The following WWOX variants were observed in gnomAD, a reference collection of about 807,000 sequenced individuals.
WWOX encodes the protein WW domain-containing oxidoreductase.
A neutral mutation model predicts 46.2 loss-of-function variants in WWOX; 69 were observed. The ratio of observed to expected loss-of-function variants is 1.49; its 90% CI spans 1.23 to 1.82. The LOEUF (loss-of-function observed/expected upper bound fraction) is 1.82, where lower values mean the gene tolerates loss of function less well. WWOX is among the 40% of genes most tolerant of loss of function. WWOX has a pLI of 0.00. For synonymous variants in WWOX, 359 were observed against 202.6 expected, an observed-to-expected ratio of 1.77 and a Z score of -6.56; for missense variants, 919 against 542.6, an observed-to-expected ratio of 1.69 and a Z score of -6.89.
At chr16:78,522,455 C>A (rs888643622) in intron 8 of WWOX, among the ~76,000 whole-genome samples, 4 of 152,178 alleles carry the variant, frequency 2.6e-5, no homozygotes, top group African/African-American at 9.7e-5. Flanking sequence ...TGCTCTCGGG[C>A]TCTGCCTGCA....
chr16:78,465,764 C>G (rs2151428488), intron 8 of WWOX, among the ~76,000 whole-genome samples: 1 of 152,270 alleles, frequency 6.6e-6, no homozygotes, highest in South Asian at 2.1e-4. Context: ...GTGTAATCAC[C>G]TTATTTTTTA....
intron 5 of WWOX, among the ~76,000 whole-genome samples, chr16:78,251,008 C>G (rs148640702): frequency 5.3e-4 from 81 of 152,166 alleles, no homozygotes; most frequent in African/African-American, 1.8e-3. Flanking sequence ...CCTGGATTCC[C>G]CAGCCCGGAC....
At chr16:78,837,251 C>T (rs746454632) in intron 8 of WWOX, among the ~76,000 whole-genome samples, 1 of 152,300 alleles carries the variant, frequency 6.6e-6, no homozygotes, top group East Asian at 1.9e-4. Flanking sequence ...GCTCTTATCA[C>T]GGTTCATAGA....
At chr16:78,889,047 T>C (rs540974501) in intron 8 of WWOX, among the ~76,000 whole-genome samples, 2 of 152,166 alleles carry the variant, frequency 1.3e-5, no homozygotes, top group African/African-American at 4.8e-5. Context: ...GGCTGACTTC[T>C]TCCCTTTTAC....
At position 79,212,211 on chromosome 16, in the gene WWOX, A is replaced by C. The variant is rs1229186760; in HGVS notation, c.*415A>C. 13 of 1,439,920 alleles carry C rather than the reference A, an allele frequency of 9.0e-6. No homozygotes were observed. The highest frequency in any genetic ancestry group is 1.2e-5 in the Non-Finnish European group (13 of 1,100,268). 89.2% of individuals were successfully genotyped at this position (1,439,920 alleles called of 1,614,324 possible). A position where few individuals can be genotyped will look rare whatever the true frequency, so the allele number is the denominator to read the frequency against. ...CTGGCCTTCTCCTACTTAGGGAAGA[A>C]AAAGCAAGTGTTCACTGCTCCTTGC... On this transcript the variant is annotated 3_prime_UTR_variant, in exon 9 of 9. Transcript: ENST00000566780.
intron 8 of WWOX, among the ~76,000 whole-genome samples, chr16:78,624,180 C>A (rs977646764): frequency 2.0e-5 from 3 of 150,304 alleles, no homozygotes; most frequent in African/African-American, 7.3e-5. Context: ...TTTCTGAAAC[C>A]TTGTTTTATT....
At chr16:79,114,687 C>T (rs1478082349) in intron 8 of WWOX, among the ~76,000 whole-genome samples, 2 of 152,072 alleles carry the variant, frequency 1.3e-5, no homozygotes, top group Non-Finnish European at 2.9e-5. Flanking sequence ...TAGTTTGTGG[C>T]ACTTTGTTAT....
chr16:78,758,180 A>G (rs1371751531), intron 8 of WWOX, among the ~76,000 whole-genome samples: 4 of 152,206 alleles, frequency 2.6e-5, no homozygotes, highest in African/African-American at 7.2e-5. Flanking sequence ...GGGAAGATCA[A>G]TATGATTTGC....
intron 5 of WWOX, among the ~76,000 whole-genome samples, chr16:78,184,845 T>C (rs1343412246): frequency 6.6e-6 from 1 of 152,186 alleles, no homozygotes; most frequent in East Asian, 1.9e-4. Flanking sequence ...GAATTATGTG[T>C]TGGGACAGTC....
At chr16:78,636,086 A>G (rs1412571906) in intron 8 of WWOX, among the ~76,000 whole-genome samples, 1 of 152,188 alleles carries the variant, frequency 6.6e-6, no homozygotes, top group Non-Finnish European at 1.5e-5. Context: ...TCTGCACTCT[A>G]GTAGTGATTA....
At chr16:78,223,551 G>A (rs905379768) in intron 5 of WWOX, among the ~76,000 whole-genome samples, 3 of 152,136 alleles carry the variant, frequency 2.0e-5, no homozygotes, top group Non-Finnish European at 4.4e-5. Context: ...CACATTGGAC[G>A]GTGGAAGGCA....
At chr16:79,080,413 T>C (rs1343735646) in intron 8 of WWOX, among the ~76,000 whole-genome samples, 1 of 152,294 alleles carries the variant, frequency 6.6e-6, no homozygotes, top group Admixed American at 6.5e-5. Flanking sequence ...TAGAACCAAA[T>C]TGCCTAACAC....
chr16:78,291,380 C>CTATAAT (rs2079854685), intron 5 of WWOX, among the ~76,000 whole-genome samples: 1 of 152,130 alleles, frequency 6.6e-6, no homozygotes, highest in Non-Finnish European at 1.5e-5. Flanking sequence ...TGAACATGTT[C>CTATAAT]TATAATTATA....
At chr16:78,433,178 C>G (rs969733593) in intron 8 of WWOX, among the ~76,000 whole-genome samples, 1 of 152,228 alleles carries the variant, frequency 6.6e-6, no homozygotes, top group Admixed American at 6.5e-5. Context: ...TCCTTTGTTT[C>G]ACAGAAAAAC....
chr16:78,512,340 T>A (rs1047405683), intron 8 of WWOX, among the ~76,000 whole-genome samples: 2 of 152,382 alleles, frequency 1.3e-5, no homozygotes, highest in Non-Finnish European at 1.5e-5. Context: ...ATGATGATAA[T>A]ATACTTTTAA....
At chr16:78,258,949 C>CAG (rs2038205945) in intron 5 of WWOX, among the ~76,000 whole-genome samples, 2 of 152,150 alleles carry the variant, frequency 1.3e-5, no homozygotes, top group African/African-American at 4.8e-5. Flanking sequence ...GGCCTGCAAA[C>CAG]AGTGTTACTA....
At chr16:78,881,323 A>G (rs2656615) in intron 8 of WWOX, among the ~76,000 whole-genome samples, 97,965 of 152,072 alleles carry the variant, frequency 0.64, 33,233 homozygotes, top group Non-Finnish European at 0.76. Flanking sequence ...TTTTGTCTAC[A>G]TAGTTACTGC....
intron 8 of WWOX, among the ~76,000 whole-genome samples, chr16:79,161,469 A>G (rs1350730226): frequency 1.3e-5 from 2 of 152,190 alleles, no homozygotes; most frequent in African/African-American, 2.4e-5. Context: ...AGAAGGAGAG[A>G]AGAGAGGAAA....
intron 8 of WWOX, among the ~76,000 whole-genome samples, chr16:78,893,045 C>G (rs2044624867): frequency 6.6e-6 from 1 of 152,162 alleles, no homozygotes; most frequent in Non-Finnish European, 1.5e-5. Flanking sequence ...GTCCTCAAAG[C>G]AGACCGTGAG....
Sources: gnomAD v4.1 joint callset for allele counts (sites outside exome capture counted in the v4.1 genomes callset) on GRCh38, gnomAD v4.1.1 for gene constraint, MANE v1.5 for transcripts, NCBI Gene and HGNC (gene_info 2026-07-23, HGNC 2026-07-21) for gene names.